The following LRRN1 variants were observed in gnomAD, a reference collection of about 807,000 sequenced individuals.
LRRN1 encodes leucine-rich repeat neuronal protein 1.
In LRRN1, 14 loss-of-function variants were observed where a neutral mutation model predicts 45.8. The observed-to-expected ratio is 0.31, with a 90% CI of 0.20 to 0.48. The LOEUF is 0.48. Ranked by LOEUF, LRRN1 falls within the 20% of genes least tolerant of loss-of-function variation. The pLI is 0.99. For missense variants in LRRN1, 789 were observed against 874.2 expected (o/e 0.90, Z 1.23); for synonymous variants, 359 against 330.1 (o/e 1.09, Z -0.95).
intron 1 of LRRN1, among the ~76,000 whole-genome samples, chr3:3,834,535 T>TATATATATATATATATATATATC (rs1553563089): frequency 1.1e-4 from 12 of 108,708 alleles, no homozygotes; most frequent in African/African-American, 2.8e-4. Context: ...GATATATATA[T>TATATATATATATATATATATATC]ATATATATAT....
intron 1 of LRRN1, among the ~76,000 whole-genome samples, chr3:3,832,231 C>T (rs530793238): frequency 6.6e-6 from 1 of 152,286 alleles, no homozygotes; most frequent in East Asian, 1.9e-4. Flanking sequence ...CTCCAGGATG[C>T]AATATTGTTT....
chr3:3,811,170 GA>G (rs754373381), intron 1 of LRRN1, among the ~76,000 whole-genome samples: 1 of 151,702 alleles, frequency 6.6e-6, no homozygotes. Flanking sequence ...TAAAGATGTG[GA>G]AAAAAAACCC....
In LRRN1 at chr3:3,847,598, A is replaced by C. The variant is rs1434520046; in HGVS notation, c.*806A>C. Reference sequence around the variant, plus strand: ...AATGAAGACAGAACTATAATAAATTAGTTTTGTTCTGATTTTTTAGAACAC... The same window carrying C: ...AATGAAGACAGAACTATAATAAATTCGTTTTGTTCTGATTTTTTAGAACAC... On this transcript the variant is annotated 3_prime_UTR_variant, in exon 2 of 2. Transcript: ENST00000319331. 6.0e-6 allele frequency: 1 copy of C among 167,080 alleles called. No homozygotes were observed. Among genetic ancestry groups the C allele is most frequent in the Non-Finnish European group, 1.5e-5 (1 of 68,102 alleles). 10.3% of individuals were successfully genotyped at this position (167,080 alleles called of 1,614,324 possible).
intron 1 of LRRN1, among the ~76,000 whole-genome samples, chr3:3,833,080 C>T (rs952277974): frequency 2.0e-5 from 3 of 152,200 alleles, no homozygotes; most frequent in African/African-American, 7.2e-5. Flanking sequence ...ACCGTTAGAT[C>T]TGACATACAG....
At chr3:3,805,986 G>C (rs1692743072) in intron 1 of LRRN1, among the ~76,000 whole-genome samples, 1 of 152,118 alleles carries the variant, frequency 6.6e-6, no homozygotes, top group Non-Finnish European at 1.5e-5. Context: ...TGCTCTGTAG[G>C]AAAAAGGCAC....
chr3:3,839,142 T>C (rs1030992625), intron 1 of LRRN1, among the ~76,000 whole-genome samples: 2 of 152,178 alleles, frequency 1.3e-5, no homozygotes, highest in Non-Finnish European at 2.9e-5. Context: ...TTAGGTCTTA[T>C]GGTTAGGTCT....
intron 1 of LRRN1, among the ~76,000 whole-genome samples, chr3:3,805,684 T>C (rs141036253): frequency 1.8e-3 from 273 of 152,302 alleles, no homozygotes; most frequent in African/African-American, 6.1e-3. Context: ...CCTAATCCCA[T>C]AGCTAAGAGA....
chr3:3,821,493 T>C (rs1450022481), intron 1 of LRRN1, among the ~76,000 whole-genome samples: 1 of 152,156 alleles, frequency 6.6e-6, no homozygotes, highest in East Asian at 1.9e-4. Context: ...ACTTGTCTTA[T>C]ACACTCCCCT....
chr3:3,841,565 C>G (rs906107148), intron 1 of LRRN1, among the ~76,000 whole-genome samples: 3 of 152,044 alleles, frequency 2.0e-5, no homozygotes, highest in Non-Finnish European at 4.4e-5. Context: ...GTTGCCCAGG[C>G]TGGAGTGCAG....
At chr3:3,844,229 G>T (rs1326077446) in intron 1 of LRRN1, 135 bp from the exon 2 acceptor site, 1 of 156,558 alleles carries the variant, frequency 6.4e-6, no homozygotes, top group Non-Finnish European at 1.4e-5. Context: ...AGCTTATTTG[G>T]TTATCTTCAA....
chr3:3,805,231 GA>G (rs1343700992), intron 1 of LRRN1, among the ~76,000 whole-genome samples: 1 of 152,060 alleles, frequency 6.6e-6, no homozygotes, highest in African/African-American at 2.4e-5. Flanking sequence ...TCATCCTTTA[GA>G]AAAACTAAAA....
chr3:3,825,223 T>C (rs1256829933), intron 1 of LRRN1, among the ~76,000 whole-genome samples: 1 of 152,200 alleles, frequency 6.6e-6, no homozygotes, highest in African/African-American at 2.4e-5. Flanking sequence ...CCAACCCTCC[T>C]GAAAGGGCTA....
At chr3:3,800,772 G>A (rs1692633567) in intron 1 of LRRN1, 1 of 152,858 alleles carries the variant, frequency 6.5e-6, no homozygotes, top group East Asian at 1.9e-4. Context: ...AGAAGGAGTG[G>A]CAGCCTCAGG....
intron 1 of LRRN1, among the ~76,000 whole-genome samples, chr3:3,802,010 C>CCTGAGAATGTCCACTGTCTAG (rs1160885191): frequency 5.3e-5 from 8 of 152,174 alleles, no homozygotes; most frequent in South Asian, 2.1e-4. Flanking sequence ...ATGAAGATTT[C>CCTGAGAATGTCCACTGTCTAG]CTGAGAATGT....
rs116275985 is a variant in LRRN1 at position 3,817,993 on chromosome 3, G to A, written c.-279+18074G>A. Among the ~76,000 whole-genome samples, 507 of 152,324 alleles carry A rather than the reference G, an allele frequency of 3.3e-3. 5 individuals carry two copies. Among genetic ancestry groups the A allele is most frequent in the African/African-American group, 0.011 (469 of 41,584 alleles). On this transcript the variant is annotated intron_variant, in intron 1 of 1. Transcript: ENST00000319331. ...ATGGCTCAGTATTAGCCGCCTACAT[G>A]TTGGCACTTTCAGTGCCCACAGTGA...
intron 1 of LRRN1, among the ~76,000 whole-genome samples, chr3:3,805,656 A>T (rs965615109): frequency 6.6e-6 from 1 of 152,212 alleles, no homozygotes; most frequent in Non-Finnish European, 1.5e-5. Context: ...ACCTTTCTGC[A>T]AGGTGATGTT....
intron 1 of LRRN1, among the ~76,000 whole-genome samples, chr3:3,823,906 C>T (rs1693162045): frequency 6.6e-6 from 1 of 152,150 alleles, no homozygotes; most frequent in African/African-American, 2.4e-5. Flanking sequence ...TACTCAATAC[C>T]TGGAGCTGGA....
At chr3:3,800,898 T>G (rs1236009713) in intron 1 of LRRN1, 3 of 152,286 alleles carry the variant, frequency 2.0e-5, no homozygotes, top group Non-Finnish European at 4.4e-5. Flanking sequence ...CCGGCGAGTG[T>G]CCTTTGTGCT....
intron 1 of LRRN1, among the ~76,000 whole-genome samples, chr3:3,820,331 C>T (rs1293852944): frequency 6.6e-6 from 1 of 152,182 alleles, no homozygotes; most frequent in Non-Finnish European, 1.5e-5. Context: ...TAGCATTCTA[C>T]TAGGCCCTGT....
Sources: gnomAD v4.1 joint callset for allele counts (sites outside exome capture counted in the v4.1 genomes callset) on GRCh38, gnomAD v4.1.1 for gene constraint, MANE v1.5 for transcripts, NCBI Gene and HGNC (gene_info 2026-07-23, HGNC 2026-07-21) for gene names.